FBXL13: variants seen among roughly 807,000 people sequenced by gnomAD.
FBXL13 encodes the protein F-box and leucine rich repeat protein 13, also known as F-box and leucine-rich repeat protein 13.
A neutral mutation model predicts 83.6 loss-of-function variants in FBXL13; 67 were observed. The ratio of observed to expected loss-of-function variants is 0.80; its 90% CI spans 0.66 to 0.98. FBXL13 has a LOEUF of 0.98. FBXL13 is among the 50% of genes least tolerant of loss of function. FBXL13 has a pLI of 0.00. For missense variants in FBXL13, 822 were observed against 866.5 expected (o/e 0.95, Z 0.64); for synonymous variants, 272 against 299.5 (o/e 0.91, Z 0.95).
intron 6 of FBXL13, among the ~76,000 whole-genome samples, chr7:102,989,340 A>T (rs1829320011): frequency 6.6e-6 from 1 of 152,228 alleles, no homozygotes; most frequent in Non-Finnish European, 1.5e-5. Flanking sequence ...AATGCATCGC[A>T]AAGTCAACAG....
chr7:102,932,040 A>C, intron 8 of FBXL13, 107 bp from the exon 10 acceptor site: 1 of 1,054,476 alleles, frequency 9.5e-7, no homozygotes, highest in Non-Finnish European at 1.4e-6. Context: ...ACAAACAAAA[A>C]CCTTGGCAAG....
intron 9 of FBXL13, among the ~76,000 whole-genome samples, chr7:102,929,481 G>A (rs559547071): frequency 2.0e-5 from 3 of 152,034 alleles, no homozygotes; most frequent in Non-Finnish European, 4.4e-5. Flanking sequence ...GTCCAACATG[G>A]TGAAACCCCA....
intron 6 of FBXL13, among the ~76,000 whole-genome samples, chr7:102,975,383 G>C (rs1386242102): frequency 2.0e-5 from 3 of 152,178 alleles, no homozygotes; most frequent in Non-Finnish European, 2.9e-5. Context: ...GACTGGGGCT[G>C]TATCTGGACC....
At chr7:102,855,771 C>T (rs1435055896) in intron 16 of FBXL13, among the ~76,000 whole-genome samples, 3 of 150,902 alleles carry the variant, frequency 2.0e-5, no homozygotes, top group African/African-American at 4.9e-5. Flanking sequence ...TATATTTTAT[C>T]GATCTTAAAT....
At chr7:103,069,638 C>G (rs1798738296) in intron 1 of FBXL13, among the ~76,000 whole-genome samples, 1 of 152,160 alleles carries the variant, frequency 6.6e-6, no homozygotes. Flanking sequence ...ACAGTCCAAG[C>G]TCAACACAGA....
chr7:103,074,795 G>A (rs1480136777), upstream of FBXL13: 4 of 1,283,948 alleles, frequency 3.1e-6, no homozygotes, highest in South Asian at 3.7e-5. Flanking sequence ...CGGAGAAGCT[G>A]CGATAGTACC....
chr7:102,942,277 T>A (rs1328592187), intron 8 of FBXL13: 2 of 1,590,872 alleles, frequency 1.3e-6, no homozygotes, highest in Non-Finnish European at 1.7e-6. Context: ...ATGAAAGGTC[T>A]CCTATATTTC....
chr7:102,878,271 G>T, intron 15 of FBXL13, 60 bp downstream of exon 16: 1 of 1,426,632 alleles, frequency 7.0e-7, no homozygotes, highest in Non-Finnish European at 9.3e-7. Flanking sequence ...GGTGTCTCAT[G>T]TCTCCTATTA....
In FBXL13 at chr7:102,862,749, T is replaced by C. The variant is rs189258623; in HGVS notation, c.1636-7889A>G. Among the ~76,000 whole-genome samples the C allele has an allele frequency of 2.8e-3, 433 of 152,366 alleles. 1 individual carries two copies. Among genetic ancestry groups the C allele is most frequent in the African/African-American group, 9.8e-3 (409 of 41,588 alleles). ...ACCCAGCTTTGAAGCCTGACTCTGC[T>C]GACCATCCCCTGCTTTTTGAAATAG... On this transcript the variant is annotated intron_variant, in intron 16 of 19. Transcript: ENST00000313221.
chr7:102,892,847 A>G (rs1205483611), intron 11 of FBXL13, among the ~76,000 whole-genome samples: 2 of 152,212 alleles, frequency 1.3e-5, no homozygotes, highest in Non-Finnish European at 2.9e-5. Flanking sequence ...TTACACAATA[A>G]TGTGCTACTG....
rs2129473823 is a variant in FBXL13, at chr7:102,934,759, A to T, written c.725-2826T>A. Reference sequence around the variant, plus strand: ...CTTTGAATCTTATAATCCTCCCTACATCCCACCATGTCTTGGAATTCGTGA... The same window carrying T: ...CTTTGAATCTTATAATCCTCCCTACTTCCCACCATGTCTTGGAATTCGTGA... On this transcript the variant is annotated intron_variant, in intron 8 of 19. Transcript: ENST00000313221. The T allele has an allele frequency of 2.4e-6, 3 of 1,259,136 alleles. No individual in the cohort carries two copies. In the East Asian group the frequency reaches 7.0e-5, roughly 30 times the overall value. 78.0% of individuals were successfully genotyped at this position (1,259,136 alleles called of 1,614,324 possible).
chr7:102,986,013 C>G (rs557009153), intron 6 of FBXL13, among the ~76,000 whole-genome samples: 1 of 140,334 alleles, frequency 7.1e-6, no homozygotes, highest in Non-Finnish European at 1.5e-5. Flanking sequence ...GAACCTGGCA[C>G]GATGCCCCCC....
At chr7:103,000,078 G>A (rs1239474147) in intron 6 of FBXL13, among the ~76,000 whole-genome samples, 2 of 151,800 alleles carry the variant, frequency 1.3e-5, no homozygotes, top group East Asian at 3.9e-4. Context: ...ATAGATTTTG[G>A]TATGTTGTTT....
At chr7:102,959,525 T>C (rs1426378902) in intron 8 of FBXL13, among the ~76,000 whole-genome samples, 1 of 152,062 alleles carries the variant, frequency 6.6e-6, no homozygotes, top group Non-Finnish European at 1.5e-5. Flanking sequence ...TTAGATTTTA[T>C]ATATAATATA....
At chr7:103,067,426 T>C (rs1243461698) in intron 1 of FBXL13, among the ~76,000 whole-genome samples, 1 of 152,212 alleles carries the variant, frequency 6.6e-6, no homozygotes, top group Non-Finnish European at 1.5e-5. Flanking sequence ...CCTCTCCTCT[T>C]GAATATGGAT....
intron 14 of FBXL13, among the ~76,000 whole-genome samples, chr7:102,883,016 A>G (rs1178661222): frequency 6.6e-6 from 1 of 152,042 alleles, no homozygotes; most frequent in Non-Finnish European, 1.5e-5. Context: ...TGAACTAGCT[A>G]TGGAAACCCT....
intron 10 of FBXL13, among the ~76,000 whole-genome samples, chr7:102,914,483 A>T (rs1815424950): frequency 2.0e-5 from 3 of 152,266 alleles, no homozygotes; most frequent in Admixed American, 6.5e-5. Context: ...CAAATTAGAA[A>T]GCAAAAAGAA....
At chr7:102,857,878 G>A (rs1806258272) in intron 16 of FBXL13, 1 of 152,122 alleles carries the variant, frequency 6.6e-6, no homozygotes, top group Admixed American at 6.5e-5. Context: ...TTAATACAGC[G>A]ATTATGGAAA....
intron 12 of FBXL13, 43 bp from the exon 14 acceptor site, chr7:102,883,728 C>A: frequency 1.6e-6 from 2 of 1,245,588 alleles, no homozygotes; most frequent in South Asian, 1.3e-5. Flanking sequence ...GTGTACAGAA[C>A]AGGTTTAGCA....
Sources: gnomAD v4.1 joint callset for allele counts (sites outside exome capture counted in the v4.1 genomes callset) on GRCh38, gnomAD v4.1.1 for gene constraint, MANE v1.5 for transcripts, NCBI Gene and HGNC (gene_info 2026-07-23, HGNC 2026-07-21) for gene names.